COX7B2: variants seen among roughly 807,000 people sequenced by gnomAD.
The protein encoded by COX7B2 is cytochrome c oxidase subunit 7B2, also known as cytochrome c oxidase subunit 7B2, mitochondrial.
For missense variants in COX7B2, 109 were observed against 95.9 expected, an observed-to-expected ratio of 1.14 and a Z score of -0.57; for synonymous variants, 37 against 32.1, an observed-to-expected ratio of 1.15 and a Z score of -0.51.
intron 2 of COX7B2, among the ~76,000 whole-genome samples, chr4:46,813,795 T>A (rs1719409581): frequency 6.6e-6 from 1 of 152,180 alleles, no homozygotes; most frequent in African/African-American, 2.4e-5. Flanking sequence ...ACTATTCATC[T>A]GACCAGCAGT....
chr4:46,819,870 T>TAGAC (rs1259113912), intron 2 of COX7B2, among the ~76,000 whole-genome samples: 1 of 152,224 alleles, frequency 6.6e-6, no homozygotes, highest in African/African-American at 2.4e-5. Context: ...TACTTGGGAC[T>TAGAC]AGACAGGGAA....
chr4:46,822,761 T>C (rs1328296209), intron 2 of COX7B2, among the ~76,000 whole-genome samples: 1 of 152,024 alleles, frequency 6.6e-6, no homozygotes, highest in Non-Finnish European at 1.5e-5. Context: ...TAAAACTAGA[T>C]AAGAAAAGGG....
chr4:46,888,887 T>C (rs1719252552), intron 1 of COX7B2, among the ~76,000 whole-genome samples: 1 of 152,218 alleles, frequency 6.6e-6, no homozygotes, highest in African/African-American at 2.4e-5. Flanking sequence ...CACCAACAGA[T>C]ATCTTTAAGT....
At chr4:46,858,437 T>C (rs1180679139) in intron 1 of COX7B2, among the ~76,000 whole-genome samples, 1 of 152,158 alleles carries the variant, frequency 6.6e-6, no homozygotes, top group Non-Finnish European at 1.5e-5. Context: ...CTAATGCAAG[T>C]AGCATGTTGG....
At chr4:46,897,617 G>C (rs887028224) in intron 1 of COX7B2, among the ~76,000 whole-genome samples, 1 of 152,020 alleles carries the variant, frequency 6.6e-6, no homozygotes, top group Non-Finnish European at 1.5e-5. Flanking sequence ...TAATCCCTAC[G>C]GCTGTCAACT....
intron 2 of COX7B2, among the ~76,000 whole-genome samples, chr4:46,839,486 A>G (rs1715778759): frequency 6.6e-6 from 1 of 151,900 alleles, no homozygotes; most frequent in African/African-American, 2.4e-5. Context: ...TTTCATTATT[A>G]TTAAGAGGCA....
intron 2 of COX7B2, among the ~76,000 whole-genome samples, chr4:46,744,495 G>A (rs1475970454): frequency 6.6e-6 from 1 of 151,628 alleles, no homozygotes; most frequent in Non-Finnish European, 1.5e-5. Flanking sequence ...CCAAACCCGC[G>A]GTGTTACGGT....
At chr4:46,857,630 A>C (rs539486148) in intron 1 of COX7B2, among the ~76,000 whole-genome samples, 1 of 152,350 alleles carries the variant, frequency 6.6e-6, no homozygotes, top group East Asian at 1.9e-4. Flanking sequence ...ATATTTTCAC[A>C]GTAGGAACTA....
chr4:46,864,243 C>T (rs1249804358), intron 1 of COX7B2, among the ~76,000 whole-genome samples: 1 of 152,138 alleles, frequency 6.6e-6, no homozygotes, highest in African/African-American at 2.4e-5. Context: ...GGATCACCAG[C>T]TGAGTACACC....
At position 46,780,839 on chromosome 4, in the gene COX7B2, A is replaced by T. The variant is rs558751128; in HGVS notation, c.-49-45598T>A. On this transcript the variant is annotated intron_variant, in intron 2 of 2. Transcript: ENST00000355591. ...CATTTGGCCTTGCTCCATACTCATC[A>T]TCTCCATAAAATTAATGAATATTAC... Among the ~76,000 whole-genome samples the T allele has an allele frequency of 1.2e-3, 187 of 152,302 alleles. 1 individual carries two copies. The highest frequency in any genetic ancestry group is 4.3e-3 in the African/African-American group (177 of 41,554).
intron 2 of COX7B2, among the ~76,000 whole-genome samples, chr4:46,761,426 T>C (rs1216877890): frequency 6.6e-6 from 1 of 152,134 alleles, no homozygotes; most frequent in Non-Finnish European, 1.5e-5. Flanking sequence ...TCCTTTTCCT[T>C]CCACATATAG....
chr4:46,893,351 A>G (rs866204421), intron 1 of COX7B2, among the ~76,000 whole-genome samples: 1 of 152,184 alleles, frequency 6.6e-6, no homozygotes, highest in Non-Finnish European at 1.5e-5. Context: ...CCCTCCACGG[A>G]TAAGTTATAC....
In COX7B2 at chr4:46,890,800, G is replaced by A. The variant is rs575057819; in HGVS notation, c.-105+18360C>T. Among the ~76,000 whole-genome samples the A allele has an allele frequency of 3.9e-5, 6 of 152,292 alleles. No individual in the cohort carries two copies. In the South Asian group the frequency reaches 1.2e-3, roughly 32 times the overall value. Reference sequence around the variant, plus strand: ...ATACAGTAGTCTGGGGACAGCTAATGGAGTGCTTTGGGAAATAGTAAGGAT... The same window carrying A: ...ATACAGTAGTCTGGGGACAGCTAATAGAGTGCTTTGGGAAATAGTAAGGAT... On this transcript the variant is annotated intron_variant, in intron 1 of 2. Coordinates refer to ENST00000355591, the MANE Select transcript of COX7B2 (RefSeq NM_130902.3).
At chr4:46,760,521 C>A (rs185864711) in intron 2 of COX7B2, among the ~76,000 whole-genome samples, 1 of 151,812 alleles carries the variant, frequency 6.6e-6, no homozygotes, top group Non-Finnish European at 1.5e-5. Context: ...AACACATGGA[C>A]ACGGAGGGGC....
chr4:46,825,689 C>T (rs991031218), intron 2 of COX7B2, among the ~76,000 whole-genome samples: 8 of 151,844 alleles, frequency 5.3e-5, no homozygotes, highest in Non-Finnish European at 5.9e-5. Context: ...ACAGGAACAT[C>T]GACCAATGGA....
At chr4:46,841,303 A>C (rs1680274412) in intron 2 of COX7B2, among the ~76,000 whole-genome samples, 1 of 151,134 alleles carries the variant, frequency 6.6e-6, no homozygotes, top group African/African-American at 2.4e-5. Flanking sequence ...CAGACAGTAA[A>C]CAAGTCAAAG....
chr4:46,832,522 CA>C (rs1259479683), intron 2 of COX7B2, among the ~76,000 whole-genome samples: 1 of 152,098 alleles, frequency 6.6e-6, no homozygotes, highest in African/African-American at 2.4e-5. Flanking sequence ...TATTTAAAGA[CA>C]AGGTAAAAGT....
intron 1 of COX7B2, among the ~76,000 whole-genome samples, chr4:46,862,687 T>C (rs1345320324): frequency 2.0e-5 from 3 of 152,204 alleles, no homozygotes; most frequent in African/African-American, 7.2e-5. Flanking sequence ...AGCAAAATGT[T>C]CATGTATTCA....
chr4:46,855,709 T>G (rs1716972197), intron 1 of COX7B2, among the ~76,000 whole-genome samples: 1 of 152,180 alleles, frequency 6.6e-6, no homozygotes, highest in Admixed American at 6.5e-5. Context: ...ATTTTTTACA[T>G]GATATTAAGA....
Sources: gnomAD v4.1 joint callset for allele counts (sites outside exome capture counted in the v4.1 genomes callset) on GRCh38, gnomAD v4.1.1 for gene constraint, MANE v1.5 for transcripts, NCBI Gene and HGNC (gene_info 2026-07-23, HGNC 2026-07-21) for gene names.